Variants in DAB1 observed in about 807,000 individuals in gnomAD.
DAB1 encodes the protein disabled homolog 1.
Under a neutral mutation model 64.6 loss-of-function variants are expected in DAB1, and 15 were observed. The observed-to-expected ratio is 0.23, with a 90% CI of 0.16 to 0.36. The LOEUF is 0.36. Ranked by LOEUF, DAB1 falls within the 10% of genes least tolerant of loss-of-function variation. DAB1 has a pLI of 1.00. For synonymous variants in DAB1, 235 were observed against 251.9 expected (o/e 0.93, Z 0.64); for missense variants, 596 against 706.7 (o/e 0.84, Z 1.78).
At chr1:56,999,252 C>A (rs999430891) in intron 14 of DAB1, among the ~76,000 whole-genome samples, 4 of 152,168 alleles carry the variant, frequency 2.6e-5, no homozygotes, top group Non-Finnish European at 4.4e-5. Context: ...AAGGCAGATG[C>A]TTTATCTCTT....
intron 5 of DAB1, among the ~76,000 whole-genome samples, chr1:58,004,653 T>C (rs771763185): frequency 1.1e-4 from 16 of 152,174 alleles, no homozygotes; most frequent in Non-Finnish European, 1.6e-4. Flanking sequence ...GGTAGAGTTG[T>C]TGTAAGATTG....
chr1:58,214,935 TG>T (rs1191181237), intron 4 of DAB1, among the ~76,000 whole-genome samples: 5 of 152,036 alleles, frequency 3.3e-5, no homozygotes, highest in Non-Finnish European at 7.4e-5. Flanking sequence ...AAGTCAGAGA[TG>T]GGGTTTTCCT....
At position 58,523,532 on chromosome 1, in the gene DAB1, T is replaced by C. The variant is rs190911104; in HGVS notation, n.107+3729A>G. Among the ~76,000 whole-genome samples, 5 of 152,248 alleles carry C rather than the reference T, an allele frequency of 3.3e-5. No individual in the cohort carries two copies. In the East Asian group the frequency reaches 7.7e-4, roughly 24 times the overall value. ...TAGGAATGTTGTGTTTGGGGGCAAGTAGACCATTTGGACGCCTTCAGTGTT... is the reference window on the plus strand; with the variant it reads ...TAGGAATGTTGTGTTTGGGGGCAAGCAGACCATTTGGACGCCTTCAGTGTT... On this transcript the variant is annotated intron_variant and non_coding_transcript_variant, in intron 2 of 20. Coordinates refer to the DAB1 transcript ENST00000485760.
chr1:57,243,659 A>G (rs1310838662), intron 2 of DAB1, among the ~76,000 whole-genome samples: 1 of 152,172 alleles, frequency 6.6e-6, no homozygotes, highest in Non-Finnish European at 1.5e-5. Context: ...GAAGGTTTCA[A>G]TGCACTGGAA....
chr1:58,276,882 G>A (rs569701693), intron 4 of DAB1, among the ~76,000 whole-genome samples: 1 of 152,024 alleles, frequency 6.6e-6, no homozygotes, highest in East Asian at 1.9e-4. Flanking sequence ...CTTGATGAAG[G>A]GGAGTGTTAT....
At chr1:57,659,847 C>T (rs1458527402) in intron 6 of DAB1, among the ~76,000 whole-genome samples, 1 of 151,844 alleles carries the variant, frequency 6.6e-6, no homozygotes, top group East Asian at 1.9e-4. Flanking sequence ...CTTGGTGGCA[C>T]ACCCCTGTAA....
intron 7 of DAB1, among the ~76,000 whole-genome samples, chr1:57,591,463 C>T (rs1558522094): frequency 6.6e-6 from 1 of 152,090 alleles, no homozygotes; most frequent in Non-Finnish European, 1.5e-5. Flanking sequence ...GTGGTAATAC[C>T]CAAATCAATG....
intron 4 of DAB1, among the ~76,000 whole-genome samples, chr1:58,339,053 T>C (rs1287809432): frequency 1.3e-5 from 2 of 152,184 alleles, no homozygotes; most frequent in Non-Finnish European, 2.9e-5. Flanking sequence ...AGTTTTCCTT[T>C]AGGGTGATGA....
intron 7 of DAB1, among the ~76,000 whole-genome samples, chr1:57,628,624 T>C (rs1645951700): frequency 6.6e-6 from 1 of 152,224 alleles, no homozygotes; most frequent in South Asian, 2.1e-4. Flanking sequence ...CTAACCTCTT[T>C]GGTCATATAC....
chr1:57,747,185 G>A (rs932563887), intron 6 of DAB1, among the ~76,000 whole-genome samples: 3 of 152,084 alleles, frequency 2.0e-5, no homozygotes, highest in Non-Finnish European at 4.4e-5. Context: ...TGACATTTAA[G>A]TTCTCCCAAA....
chr1:58,442,657 C>G (rs1645024802), intron 3 of DAB1, among the ~76,000 whole-genome samples: 1 of 152,370 alleles, frequency 6.6e-6, no homozygotes, highest in East Asian at 1.9e-4. Context: ...AATCCTTGCT[C>G]TGTCACTGAC....
At chr1:57,073,202 T>C (rs1175132137) in intron 4 of DAB1, among the ~76,000 whole-genome samples, 1 of 152,222 alleles carries the variant, frequency 6.6e-6, no homozygotes, top group Non-Finnish European at 1.5e-5. Flanking sequence ...ATTCCTCCAA[T>C]GTTCGTGCCT....
chr1:57,669,674 C>T (rs1245663857), intron 6 of DAB1, among the ~76,000 whole-genome samples: 1 of 152,118 alleles, frequency 6.6e-6, no homozygotes, highest in Admixed American at 6.6e-5. Flanking sequence ...AATAACATCC[C>T]CCATTTCCAC....
chr1:57,960,611 G>A lies in DAB1; in HGVS notation n.388-76449C>T, dbSNP rs1437458460. ...TTCAGTAGTATAAAAGATGAAATAG[G>A]ACAGTATCTGGTGACTTAGGAAATG... On this transcript the variant is annotated intron_variant and non_coding_transcript_variant, in intron 5 of 20. Transcript: ENST00000485760. Among the ~76,000 whole-genome samples the A allele has an allele frequency of 2.0e-5, 3 of 152,130 alleles. No homozygotes were observed. In the East Asian group the frequency reaches 5.8e-4, roughly 29 times the overall value.
At chr1:57,256,697 T>TA (rs1378527441) in intron 2 of DAB1, among the ~76,000 whole-genome samples, 1 of 152,244 alleles carries the variant, frequency 6.6e-6, no homozygotes, top group Non-Finnish European at 1.5e-5. Context: ...AAGCCTTGAA[T>TA]AATATTGCCA....
intron 10 of DAB1, among the ~76,000 whole-genome samples, chr1:57,025,244 C>T (rs1279257233): frequency 3.3e-5 from 5 of 152,186 alleles, no homozygotes; most frequent in Non-Finnish European, 7.3e-5. Context: ...TGAATGCATC[C>T]AGCACTGGGA....
chr1:58,449,288 C>T lies in DAB1; in HGVS notation n.257+56772G>A, dbSNP rs141692366. Among the ~76,000 whole-genome samples the T allele has an allele frequency of 3.1e-3, 479 of 152,272 alleles. 1 individual carries two copies. The highest frequency in any genetic ancestry group is 0.014 in the Middle Eastern group (4 of 294). On this transcript the variant is annotated intron_variant and non_coding_transcript_variant, in intron 3 of 20. Transcript: ENST00000485760. ...ACTTGGGTCCTCTTGGACTTGAACA[C>T]GGGGTGGGAGCCAGGTTACTCTGAC...
intron 2 of DAB1, among the ~76,000 whole-genome samples, chr1:57,236,292 A>C (rs1159925957): frequency 2.0e-5 from 3 of 152,206 alleles, no homozygotes; most frequent in African/African-American, 7.2e-5. Context: ...AAATGTGACT[A>C]ACCCACAAAC....
intron 5 of DAB1, among the ~76,000 whole-genome samples, chr1:58,032,756 T>C: frequency 6.6e-6 from 1 of 152,190 alleles, no homozygotes; most frequent in East Asian, 1.9e-4. Flanking sequence ...TAAAAAGTTA[T>C]CTTTGTGTCC....
Sources: gnomAD v4.1 joint callset for allele counts (sites outside exome capture counted in the v4.1 genomes callset) on GRCh38, gnomAD v4.1.1 for gene constraint, MANE v1.5 for transcripts, NCBI Gene and HGNC (gene_info 2026-07-23, HGNC 2026-07-21) for gene names.